The following TUSC3 variants were observed in gnomAD, a reference collection of about 807,000 sequenced individuals.
TUSC3 encodes tumor suppressor candidate 3, also known as dolichyl-diphosphooligosaccharide--protein glycosyltransferase subunit TUSC3.
A neutral mutation model predicts 44.8 loss-of-function variants in TUSC3; 45 were observed. That is an observed-to-expected ratio of 1.00 (90% CI 0.79 to 1.29). The LOEUF (loss-of-function observed/expected upper bound fraction) is 1.29. Ranked by LOEUF, TUSC3 falls within the 50% of genes most tolerant of loss-of-function variation. The pLI, the probability that TUSC3 is intolerant of heterozygous loss-of-function variation, is 0.00. For synonymous variants in TUSC3, 212 were observed against 152.9 expected (o/e 1.39, Z -2.85); for missense variants, 519 against 437.9 (o/e 1.19, Z -1.65).
At chr8:15,547,506 A>G (rs769202838) in intron 1 of TUSC3, among the ~76,000 whole-genome samples, 2 of 151,676 alleles carry the variant, frequency 1.3e-5, no homozygotes, top group Non-Finnish European at 2.9e-5. Flanking sequence ...GGTGGTCGAT[A>G]ATAAGGCTTA....
At chr8:15,482,675 A>G (rs993330367) in intron 1 of TUSC3, among the ~76,000 whole-genome samples, 1 of 152,224 alleles carries the variant, frequency 6.6e-6, no homozygotes, top group East Asian at 1.9e-4. Context: ...TTCAAGTCTT[A>G]CTGTGTTAGA....
chr8:15,805,511 G>A, the TUSC3 span, among the ~76,000 whole-genome samples: 1 of 152,046 alleles, frequency 6.6e-6, no homozygotes, highest in African/African-American at 2.4e-5. Context: ...TTCCTTTGAT[G>A]CCTAGTTTGT....
At chr8:15,572,352 G>C (rs988976303) in intron 1 of TUSC3, among the ~76,000 whole-genome samples, 1 of 152,062 alleles carries the variant, frequency 6.6e-6, no homozygotes, top group African/African-American at 2.4e-5. Context: ...TTCTTCTGTA[G>C]CTTCCTTTCC....
At chr8:15,693,379 T>A (rs756954514) in intron 6 of TUSC3, among the ~76,000 whole-genome samples, 5 of 151,922 alleles carry the variant, frequency 3.3e-5, no homozygotes, top group African/African-American at 4.8e-5. Context: ...CAGAAAAGGA[T>A]GTCTTACTTA....
intron 3 of TUSC3, among the ~76,000 whole-genome samples, chr8:15,655,193 A>G (rs1329145174): frequency 3.9e-5 from 6 of 152,188 alleles, no homozygotes; most frequent in Non-Finnish European, 8.8e-5. Flanking sequence ...TAGGAAAGGC[A>G]GTCTCCCAGT....
intron 1 of TUSC3, among the ~76,000 whole-genome samples, chr8:15,466,893 T>C (rs892491226): frequency 2.0e-5 from 3 of 152,120 alleles, no homozygotes; most frequent in African/African-American, 7.2e-5. Context: ...TAATTGAATA[T>C]TGTTTCTTTC....
At chr8:15,629,402 A>G (rs370464451) in intron 2 of TUSC3, among the ~76,000 whole-genome samples, 1 of 152,190 alleles carries the variant, frequency 6.6e-6, no homozygotes, top group Non-Finnish European at 1.5e-5. Flanking sequence ...AAGAGATTTC[A>G]AGGTGACAAC....
intron 1 of TUSC3, among the ~76,000 whole-genome samples, chr8:15,454,860 A>G (rs1396046693): frequency 6.6e-6 from 1 of 152,186 alleles, no homozygotes; most frequent in Non-Finnish European, 1.5e-5. Flanking sequence ...TATTCTGAAT[A>G]TTACCTTTTG....
chr8:15,769,772 A>G (rs193197706), downstream of TUSC3, among the ~76,000 whole-genome samples: 28 of 152,316 alleles, frequency 1.8e-4, no homozygotes, highest in Admixed American at 1.8e-3. Context: ...ATGAACAGAC[A>G]CTTTTCAAAA....
chr8:15,520,697 T>C (rs1801285351), intron 2 of TUSC3, among the ~76,000 whole-genome samples: 1 of 152,180 alleles, frequency 6.6e-6, no homozygotes, highest in South Asian at 2.1e-4. Context: ...CATTCATATT[T>C]CTCTCTACCT....
chr8:15,707,882 G>C (rs182165727), intron 6 of TUSC3, among the ~76,000 whole-genome samples: 1 of 151,976 alleles, frequency 6.6e-6, no homozygotes, highest in East Asian at 1.9e-4. Flanking sequence ...TCTAAGGAAA[G>C]AACCATCCCA....
intron 2 of TUSC3, among the ~76,000 whole-genome samples, chr8:15,514,256 G>A (rs933257695): frequency 6.6e-6 from 1 of 152,098 alleles, no homozygotes; most frequent in Non-Finnish European, 1.5e-5. Flanking sequence ...GCATCATTAG[G>A]TCTAAGCTGA....
the TUSC3 span, among the ~76,000 whole-genome samples, chr8:15,808,191 T>C: frequency 4.6e-4 from 70 of 152,304 alleles, no homozygotes; most frequent in African/African-American, 1.5e-3. Context: ...ACCTGCAATC[T>C]TTAAGCAAAC....
At chr8:15,728,736 G>T (rs1172391482) in intron 6 of TUSC3, among the ~76,000 whole-genome samples, 2 of 152,092 alleles carry the variant, frequency 1.3e-5, no homozygotes, top group Non-Finnish European at 2.9e-5. Flanking sequence ...CATGAAACTG[G>T]ATGACAACAC....
chr8:15,590,855 G>T (rs1803804489), intron 1 of TUSC3, among the ~76,000 whole-genome samples: 1 of 151,512 alleles, frequency 6.6e-6, no homozygotes, highest in African/African-American at 2.4e-5. Context: ...TGTATTTTTT[G>T]AGGAGACGGA....
chr8:15,525,624 C>G (rs1042082802), intron 2 of TUSC3, among the ~76,000 whole-genome samples: 3 of 152,134 alleles, frequency 2.0e-5, no homozygotes, highest in Non-Finnish European at 2.9e-5. Flanking sequence ...TAGTAGATCA[C>G]TCATTTTCCC....
Position 15,621,779 on chromosome 8 carries a change from T to TA in TUSC3, c.139-1301_139-1300insA, listed in dbSNP as rs1805257780. ...TTTGGTTGTGGCAAAATTGGGTCTT[T>TA]TAAAAAAAAAACACAGCCGAGTCAT... On this transcript the variant is annotated intron_variant, in intron 1 of 10. Coordinates refer to ENST00000503731, the MANE Select transcript of TUSC3 (RefSeq NM_006765.4). 3.5e-5 allele frequency among the ~76,000 whole-genome samples: 5 copies of TA among 141,150 alleles called. No homozygotes were observed. The South Asian group carries it at 6.4e-4, about 18-fold the overall frequency. The allele number at this position is 141,150 out of a possible 152,430, so 92.6% of individuals were successfully genotyped here.
chr8:15,521,806 T>C (rs1801303742), intron 2 of TUSC3, among the ~76,000 whole-genome samples: 1 of 152,198 alleles, frequency 6.6e-6, no homozygotes, highest in African/African-American at 2.4e-5. Flanking sequence ...TTATTGGTCC[T>C]TTTCACTATT....
chr8:15,427,717 T>A (rs73189464), intron 1 of TUSC3, among the ~76,000 whole-genome samples: 6 of 152,056 alleles, frequency 3.9e-5, no homozygotes, highest in Admixed American at 6.5e-5. Context: ...GAGGCAAGAA[T>A]TGAGGTTGCT....
Sources: allele counts gnomAD v4.1 joint callset (sites outside exome capture counted in the v4.1 genomes callset), GRCh38; gene constraint gnomAD v4.1.1; transcripts MANE v1.5; gene names NCBI Gene and HGNC (gene_info 2026-07-23, HGNC 2026-07-21).